Variants in PHIP observed in about 807,000 individuals in gnomAD.
PHIP encodes PH-interacting protein.
Under a neutral mutation model 236.8 loss-of-function variants are expected in PHIP, and 54 were observed. That is an observed-to-expected ratio of 0.23 (90% CI 0.18 to 0.29). The LOEUF is 0.29. Among genes scored for constraint, PHIP ranks in the 10% least tolerant of loss-of-function variants. The probability of loss-of-function intolerance (pLI) is 1.00; values close to 1 mark genes in which losing one functional copy is unlikely to be tolerated. For synonymous variants in PHIP, 756 were observed against 718.9 expected, an observed-to-expected ratio of 1.05 and a Z score of -0.83; for missense variants, 1,370 against 2,190.8, an observed-to-expected ratio of 0.63 and a Z score of 7.48.
At chr6:79,069,456 A>G (rs1432824385) in intron 4 of PHIP, among the ~76,000 whole-genome samples, 1 of 151,994 alleles carries the variant, frequency 6.6e-6, no homozygotes, top group African/African-American at 2.4e-5. Flanking sequence ...ATTTATCTTC[A>G]TAAGCACATA....
intron 15 of PHIP, among the ~76,000 whole-genome samples, chr6:79,007,798 T>C (rs903605096): frequency 1.3e-5 from 2 of 151,562 alleles, no homozygotes; most frequent in African/African-American, 4.8e-5. Flanking sequence ...ATACCAAGAA[T>C]GAAAAGAGGT....
chr6:78,940,534 T>C lies in PHIP; in HGVS notation c.*159A>G, dbSNP rs1773434844. ...TATATATTCATTTAAAGAAGTGAAG[T>C]GTCTCGTAAGTTTGTTTTTTTTTTT... is the stretch of plus-strand genomic sequence containing the variant. On this transcript the variant is annotated 3_prime_UTR_variant, in exon 40 of 40. Coordinates refer to ENST00000275034, the MANE Select transcript of PHIP (RefSeq NM_017934.7). 5.3e-6 allele frequency: 1 copy of C among 188,790 alleles called. No individual in the cohort carries two copies. Among genetic ancestry groups the C allele is most frequent in the African/African-American group, 2.4e-5 (1 of 41,090 alleles). 11.7% of individuals were successfully genotyped at this position (188,790 alleles called of 1,614,324 possible). A position where few individuals can be genotyped will look rare whatever the true frequency, so the allele number is the denominator to read the frequency against.
chr6:78,939,070 ATTCT>A lies in PHIP; in HGVS notation c.*1619_*1622del, dbSNP rs1773373195. 1 of 151,842 alleles carries A rather than the reference ATTCT, an allele frequency of 6.6e-6. No homozygotes were observed. The highest frequency in any genetic ancestry group is 1.9e-4 in the East Asian group (1 of 5,186). The allele number at this position is 151,842 out of a possible 1,614,324, so 9.4% of individuals were successfully genotyped here. ...CATACCAGTCCTCAGAAAATACTAC[ATTCT>A]TTAAATTTTTAAAAAAATGGACAGT... On this transcript the variant is annotated 3_prime_UTR_variant, in exon 40 of 40. Transcript: ENST00000275034.
intron 10 of PHIP, 26 bp from the exon 11 acceptor site, chr6:79,017,609 A>G (rs755776396): frequency 1.3e-6 from 2 of 1,511,560 alleles, no homozygotes; most frequent in South Asian, 2.3e-5. Flanking sequence ...GCAATTGTTA[A>G]GAAGTAAAAC....
At position 78,998,487 on chromosome 6, in the gene PHIP, A is replaced by G. The variant is rs1582196211; in HGVS notation, c.1880-96T>C. On this transcript the variant is annotated intron_variant, in intron 17 of 39. Transcript: ENST00000275034. ...CTTATGAGTTCAGAATTAAACATAA[A>G]TGTTGCTTGGGTAAAAGACTTAAAT... The G allele has an allele frequency of 7.7e-6, 7 of 911,296 alleles. No homozygotes were observed. The East Asian group carries it at 1.6e-4, about 21-fold the overall frequency. The allele number at this position is 911,296 out of a possible 1,614,324, so 56.5% of individuals were successfully genotyped here. A position where few individuals can be genotyped will look rare whatever the true frequency, so the allele number is the denominator to read the frequency against.
chr6:78,992,255 G>A (rs6454092), intron 19 of PHIP, among the ~76,000 whole-genome samples: 68,239 of 151,748 alleles, frequency 0.45, 15,992 homozygotes, highest in East Asian at 0.69. Flanking sequence ...GAGCCACCGC[G>A]CCGGCCCAAA....
chr6:78,955,128 A>C, intron 34 of PHIP, 104 bp downstream of exon 34: 1 of 898,158 alleles, frequency 1.1e-6, no homozygotes, highest in Non-Finnish European at 1.7e-6. Context: ...ACTAATTTGA[A>C]ATACTTAATG....
At position 79,017,671 on chromosome 6, in the gene PHIP, G is replaced by A. The variant is rs149363499; in HGVS notation, c.995-88C>T. The A allele has an allele frequency of 1.2e-3, 1,000 of 843,414 alleles. 13 individuals carry two copies. Among genetic ancestry groups the A allele is most frequent in the Admixed American group, 7.9e-3 (377 of 47,664 alleles). The allele number at this position is 843,414 out of a possible 1,614,324, so 52.2% of individuals were successfully genotyped here. A position where few individuals can be genotyped will look rare whatever the true frequency, so the allele number is the denominator to read the frequency against. ...ATAATAAAATGTAAGCAAAATTACA[G>A]TATATACTGAATTAATATTTTACTC... On this transcript the variant is annotated intron_variant, in intron 10 of 39. Transcript: ENST00000275034.
Position 78,983,127 on chromosome 6 carries a change from G to C in PHIP, c.2538-10C>G. 1.4e-6 allele frequency: 2 copies of C among 1,431,158 alleles called. No individual in the cohort carries two copies. Among genetic ancestry groups the C allele is most frequent in the Non-Finnish European group, 9.6e-7 (1 of 1,041,206 alleles). 88.7% of individuals were successfully genotyped at this position (1,431,158 alleles called of 1,614,324 possible). A position where few individuals can be genotyped will look rare whatever the true frequency, so the allele number is the denominator to read the frequency against. On this transcript the variant is annotated splice_polypyrimidine_tract_variant and intron_variant, in intron 22 of 39. Coordinates refer to ENST00000275034, the MANE Select transcript of PHIP (RefSeq NM_017934.7). ...ATCACTGGAGTAGTCACTAGAAGGA[G>C]AGAAGGGATTATTAGATAACACACA...
At chr6:79,058,419 T>C (rs572870623) in intron 6 of PHIP, among the ~76,000 whole-genome samples, 1 of 152,248 alleles carries the variant, frequency 6.6e-6, no homozygotes, top group African/African-American at 2.4e-5. Flanking sequence ...TAAAATATTA[T>C]ATTTGATTTT....
At chr6:78,969,950 A>G in intron 26 of PHIP, 33 bp from the exon 27 acceptor site, 1 of 1,554,494 alleles carries the variant, frequency 6.4e-7, no homozygotes, top group East Asian at 2.2e-5. Context: ...TGATTAGGTC[A>G]CATACCTAAA....
At chr6:79,069,936 T>TA (rs1773803588) in intron 4 of PHIP, among the ~76,000 whole-genome samples, 1 of 151,902 alleles carries the variant, frequency 6.6e-6, no homozygotes, top group East Asian at 1.9e-4. Context: ...TCAATACAAA[T>TA]ACCAACACAA....
chr6:79,041,145 TGTA>T (rs772431126), intron 7 of PHIP, among the ~76,000 whole-genome samples: 1 of 152,146 alleles, frequency 6.6e-6, no homozygotes. Context: ...ACTCTGCTGT[TGTA>T]GTGCACAGGC....
Position 79,026,022 on chromosome 6 carries a change from A to G in PHIP, c.743T>C (p.Met248Thr). Residue 248 changes from methionine (M) to threonine (T), a missense_variant, in exon 8 of 40, where the codon ATG (methionine) becomes ACG (threonine). This residue lies in a region of PHIP where 188 missense variants were observed against 354.3 expected (regional missense o/e 0.53). Transcript: ENST00000275034. ...TMIAAGSCDK[M>T]IRVWCLRTCA... is the part of the protein sequence containing the mutation. ...GGTTCGAAGACACCAGACTCGGATC[A>G]TTTTATCACAACTTCCAGCTGCTAT... 1 of 1,614,104 alleles carries G rather than the reference A, an allele frequency of 6.2e-7. No individual in the cohort carries two copies. Among genetic ancestry groups the G allele is most frequent in the Non-Finnish European group, 8.5e-7 (1 of 1,180,002 alleles).
At chr6:79,048,576 A>G (rs950719844) in intron 6 of PHIP, among the ~76,000 whole-genome samples, 1 of 152,218 alleles carries the variant, frequency 6.6e-6, no homozygotes, top group Admixed American at 6.5e-5. Context: ...AAGCTGCAAT[A>G]AATTACCCAA....
At chr6:79,041,594 A>C (rs890198555) in intron 7 of PHIP, among the ~76,000 whole-genome samples, 2 of 152,012 alleles carry the variant, frequency 1.3e-5, no homozygotes, top group African/African-American at 2.4e-5. Flanking sequence ...AAATTTACTT[A>C]AGGTTTTTGA....
chr6:79,060,615 A>G, intron 5 of PHIP, 39 bp from the exon 6 acceptor site: 1 of 1,609,126 alleles, frequency 6.2e-7, no homozygotes. Flanking sequence ...CAAAGAACAC[A>G]AAAACAAAAG....
Position 78,946,825 on chromosome 6 carries a change from C to G in PHIP, c.4256G>C (p.Ser1419Thr). 1 of 1,583,790 alleles carries G rather than the reference C, an allele frequency of 6.3e-7. No individual in the cohort carries two copies. Among genetic ancestry groups the G allele is most frequent in the Non-Finnish European group, 8.6e-7 (1 of 1,167,302 alleles). Reference protein sequence around the residue: ...RLSAFFEEHISSVLSDYKSAL... With the variant: ...RLSAFFEEHITSVLSDYKSAL... ...AGATTTATAATCTGATAAAACTGAA[C>G]TAATGTGTTCTTCAAAGAAAGCAGA... The change falls in exon 37 of 40, where the codon AGT becomes ACT. Residue 1419 changes from serine (S) to threonine (T), a missense_variant. Around this residue, in one of 14 missense-constraint regions of PHIP, gnomAD observed 125 missense variants for 235.1 expected, o/e 0.53. Coordinates refer to ENST00000275034, the MANE Select transcript of PHIP (RefSeq NM_017934.7).
At chr6:79,029,568 T>C (rs528109533) in intron 7 of PHIP, among the ~76,000 whole-genome samples, 104 of 152,334 alleles carry the variant, frequency 6.8e-4, no homozygotes, top group African/African-American at 2.0e-3. Flanking sequence ...CTTGCTCTGT[T>C]ACCCTGGCTG....
Sources: allele counts gnomAD v4.1 joint callset (sites outside exome capture counted in the v4.1 genomes callset), GRCh38; gene constraint gnomAD v4.1.1; regional missense constraint gnomAD v4.1.1; transcripts MANE v1.5; gene names NCBI Gene and HGNC (gene_info 2026-07-23, HGNC 2026-07-21).